Variants in SUZ12 observed in about 807,000 individuals in gnomAD.
The protein encoded by SUZ12 is SUZ12 polycomb repressive complex 2 subunit, also known as polycomb protein SUZ12.
Under a neutral mutation model 87.3 loss-of-function variants are expected in SUZ12, and 17 were observed. The observed-to-expected ratio is 0.19, with a 90% CI of 0.13 to 0.29. The LOEUF (loss-of-function observed/expected upper bound fraction) is 0.29, where lower values mean the gene tolerates loss of function less well. SUZ12 is among the 10% of genes least tolerant of loss of function. The pLI is 1.00. For missense variants in SUZ12, 526 were observed against 912.2 expected (o/e 0.58, Z 5.45); for synonymous variants, 253 against 312.4 (o/e 0.81, Z 2.01).
chr17:31,994,066 A>G, intron 12 of SUZ12, 58 bp downstream of exon 12: 2 of 1,542,874 alleles, frequency 1.3e-6, no homozygotes, highest in Non-Finnish European at 1.8e-6. Context: ...TACCCCATAA[A>G]TATATACATC....
At chr17:31,950,845 T>A (rs2142134081) in intron 4 of SUZ12, among the ~76,000 whole-genome samples, 1 of 152,098 alleles carries the variant, frequency 6.6e-6, no homozygotes, top group East Asian at 1.9e-4. Context: ...AGTGACGCGA[T>A]CTCAGCTCAC....
chr17:31,988,723 G>C (rs1365491527), intron 10 of SUZ12, among the ~76,000 whole-genome samples: 2 of 151,484 alleles, frequency 1.3e-5, no homozygotes, highest in Admixed American at 1.3e-4. Flanking sequence ...CTCCCGAGTA[G>C]CTGTGACTAC....
intron 5 of SUZ12, among the ~76,000 whole-genome samples, chr17:31,971,342 T>C (rs1446722522): frequency 6.6e-6 from 1 of 152,092 alleles, no homozygotes; most frequent in Non-Finnish European, 1.5e-5. Flanking sequence ...TCAAATGTTA[T>C]CTTAATACTT....
intron 10 of SUZ12, among the ~76,000 whole-genome samples, 166 bp from the exon 11 acceptor site, chr17:31,993,076 T>C (rs1379071725): frequency 2.0e-5 from 3 of 152,348 alleles, no homozygotes; most frequent in African/African-American, 4.8e-5. Flanking sequence ...TGCTGAATTA[T>C]GGGTATTTTT....
At chr17:31,986,563 T>C (rs1397275478) in intron 9 of SUZ12, among the ~76,000 whole-genome samples, 1 of 152,176 alleles carries the variant, frequency 6.6e-6, no homozygotes, top group African/African-American at 2.4e-5. Context: ...TGTTTTGTTT[T>C]GTTTTTTGAG....
intron 4 of SUZ12, among the ~76,000 whole-genome samples, chr17:31,949,660 GC>G (rs796561870): frequency 5.2e-3 from 28 of 5,378 alleles, no homozygotes; most frequent in African/African-American, 0.01. Context: ...ACCACACCCA[GC>G]CCCCCCCCCC....
chr17:31,990,121 AT>A (rs59793925), intron 10 of SUZ12, among the ~76,000 whole-genome samples: 1,243 of 99,850 alleles, frequency 0.012, 11 homozygotes, highest in African/African-American at 0.048. Context: ...TGCCCGGCTA[AT>A]TTTTTTTTTT....
chr17:31,958,764 T>G lies in SUZ12; in HGVS notation c.456-7383T>G, dbSNP rs542368937. ...GGGAGGCTGAGGCAGGAGAATTGCT[T>G]AAACCTGGGAGGCAGAGGTTGCAGT... On this transcript the variant is annotated intron_variant, in intron 4 of 15. Coordinates refer to ENST00000322652, the MANE Select transcript of SUZ12 (RefSeq NM_015355.4). Among the ~76,000 whole-genome samples the G allele has an allele frequency of 2.0e-5, 3 of 152,268 alleles. No individual in the cohort carries two copies. The East Asian group carries it at 5.8e-4, about 29-fold the overall frequency.
At chr17:31,974,299 C>A (rs1908610505) in intron 6 of SUZ12, among the ~76,000 whole-genome samples, 1 of 152,130 alleles carries the variant, frequency 6.6e-6, no homozygotes, top group Admixed American at 6.6e-5. Flanking sequence ...CTTTGAGAGG[C>A]CAAGGTGGGC....
chr17:31,995,199 TA>T (rs56985939), intron 13 of SUZ12, among the ~76,000 whole-genome samples: 16,255 of 152,292 alleles, frequency 0.11, 1,061 homozygotes, highest in South Asian at 0.15. Context: ...TAACCAGTGT[TA>T]ACGGCTTTTC....
intron 8 of SUZ12, among the ~76,000 whole-genome samples, chr17:31,980,444 TTTTTTTTTTTTTTTTTTTTTTTG>T (rs1567831290): frequency 1.5e-5 from 1 of 65,098 alleles, no homozygotes; most frequent in African/African-American, 5.1e-5. Flanking sequence ...TTTTTTTTTT[TTTTTTTTTTTTTTTTTTTTTTTG>T]AGACGGAGTT....
intron 11 of SUZ12, 132 bp downstream of exon 11, chr17:31,993,465 A>G: frequency 1.5e-6 from 1 of 689,014 alleles, no homozygotes; most frequent in Non-Finnish European, 2.4e-6. Context: ...TTTTTTGCCC[A>G]GGCTGGAGTG....
intron 5 of SUZ12, among the ~76,000 whole-genome samples, chr17:31,972,285 G>C (rs141478023): frequency 6.6e-6 from 1 of 151,104 alleles, no homozygotes; most frequent in Non-Finnish European, 1.5e-5. Context: ...TCTCTGTCTC[G>C]AAAAGGAATT....
At chr17:31,975,798 C>T in intron 7 of SUZ12, 85 bp downstream of exon 7, 1 of 1,110,594 alleles carries the variant, frequency 9.0e-7, no homozygotes, top group South Asian at 1.6e-5. Flanking sequence ...TCATGATAGT[C>T]ATGGTGCTGA....
At chr17:31,988,207 C>T (rs1199935129) in intron 9 of SUZ12, 113 bp from the exon 10 acceptor site, 1 of 1,064,604 alleles carries the variant, frequency 9.4e-7, no homozygotes, top group Admixed American at 3.2e-5. Context: ...ATTTTCAAGA[C>T]AAATCTATTA....
At chr17:31,980,900 C>T (rs1309030455) in intron 8 of SUZ12, among the ~76,000 whole-genome samples, 1 of 151,950 alleles carries the variant, frequency 6.6e-6, no homozygotes, top group East Asian at 1.9e-4. Context: ...AGTGCAGTGG[C>T]TCACACTTGT....
rs564300901 is a variant in SUZ12, at chr17:31,966,024, G to A, written c.456-123G>A. ...CATAGAGTCATGGGCCTGAATAACAGTTGAGTACAAATATTTATAAATTGG... is the reference window on the plus strand; with the variant it reads ...CATAGAGTCATGGGCCTGAATAACAATTGAGTACAAATATTTATAAATTGG... On this transcript the variant is annotated intron_variant, in intron 4 of 15. Coordinates refer to ENST00000322652, the MANE Select transcript of SUZ12 (RefSeq NM_015355.4). 5 of 835,022 alleles carry A rather than the reference G, an allele frequency of 6.0e-6. No individual in the cohort carries two copies. In the East Asian group the frequency reaches 1.1e-4, roughly 18 times the overall value. The allele number at this position is 835,022 out of a possible 1,614,324, so 51.7% of individuals were successfully genotyped here.
At chr17:31,948,753 A>G (rs9895991) in intron 4 of SUZ12, among the ~76,000 whole-genome samples, 7,079 of 152,186 alleles carry the variant, frequency 0.047, 515 homozygotes, top group African/African-American at 0.16. Context: ...TGTCTAGGCA[A>G]TCCTGACTTG....
chr17:31,983,947 T>C (rs1909265962), intron 9 of SUZ12, among the ~76,000 whole-genome samples: 1 of 152,242 alleles, frequency 6.6e-6, no homozygotes, highest in African/African-American at 2.4e-5. Flanking sequence ...ACTGTAACGA[T>C]GTCTTTTATT....
Sources: allele counts gnomAD v4.1 joint callset (sites outside exome capture counted in the v4.1 genomes callset), GRCh38; gene constraint gnomAD v4.1.1; transcripts MANE v1.5; gene names NCBI Gene and HGNC (gene_info 2026-07-23, HGNC 2026-07-21).